The following PRTFDC1 variants were observed in gnomAD, a reference collection of about 807,000 sequenced individuals.
PRTFDC1 encodes the protein phosphoribosyltransferase domain-containing protein 1.
In PRTFDC1, 38 loss-of-function variants were observed where a neutral mutation model predicts 34.6. That is an observed-to-expected ratio of 1.10 (90% confidence interval 0.85 to 1.44). The LOEUF (loss-of-function observed/expected upper bound fraction) is 1.44, where lower values mean the gene tolerates loss of function less well. Ranked by LOEUF, PRTFDC1 falls within the 40% of genes most tolerant of loss-of-function variation. The probability of loss-of-function intolerance (pLI) is 0.00; values close to 1 mark genes in which losing one functional copy is unlikely to be tolerated. For synonymous variants in PRTFDC1, 93 were observed against 98.1 expected, an observed-to-expected ratio of 0.95 and a Z score of 0.31; for missense variants, 270 against 283.0, an observed-to-expected ratio of 0.95 and a Z score of 0.33.
intron 3 of PRTFDC1, among the ~76,000 whole-genome samples, chr10:24,924,390 G>C (rs1848839310): frequency 6.6e-6 from 1 of 152,156 alleles, no homozygotes; most frequent in Non-Finnish European, 1.5e-5. Context: ...AAAATGTTAA[G>C]GGCAGCCAGA....
chr10:24,878,221 C>T (rs1238123941), intron 3 of PRTFDC1, among the ~76,000 whole-genome samples: 2 of 151,494 alleles, frequency 1.3e-5, no homozygotes, highest in African/African-American at 4.9e-5. Context: ...TGTGGTGAGC[C>T]AAGATTGCAC....
intron 4 of PRTFDC1, 110 bp from the exon 5 acceptor site, chr10:24,858,519 T>G: frequency 9.2e-7 from 1 of 1,091,906 alleles, no homozygotes; most frequent in Non-Finnish European, 1.4e-6. Context: ...TAGACGGTCC[T>G]TCCCCATCCA....
chr10:24,899,896 T>C (rs1050327001), intron 3 of PRTFDC1, among the ~76,000 whole-genome samples: 1 of 152,164 alleles, frequency 6.6e-6, no homozygotes, highest in Non-Finnish European at 1.5e-5. Flanking sequence ...ATTTTACAGA[T>C]ATGGGTATCT....
Position 24,937,382 on chromosome 10 carries a change from A to G in PRTFDC1, c.156-15T>C, listed in dbSNP as rs762663209. 6.2e-7 allele frequency: 1 copy of G among 1,601,004 alleles called. No homozygotes were observed. Among genetic ancestry groups the G allele is most frequent in the East Asian group, 2.2e-5 (1 of 44,730 alleles). On this transcript the variant is annotated splice_polypyrimidine_tract_variant and intron_variant, in intron 2 of 8. Coordinates refer to ENST00000320152, the MANE Select transcript of PRTFDC1 (RefSeq NM_020200.7). ...GCCGCTCAATTCTGAAAGAAGGATAAAAGATATATTAAGGCACAACTACTT... is the reference window on the plus strand; with the variant it reads ...GCCGCTCAATTCTGAAAGAAGGATAGAAGATATATTAAGGCACAACTACTT...
At chr10:24,936,812 T>C (rs991128168) in intron 3 of PRTFDC1, among the ~76,000 whole-genome samples, 2 of 152,120 alleles carry the variant, frequency 1.3e-5, no homozygotes, top group African/African-American at 2.4e-5. Context: ...CACCCTCCCA[T>C]AGGTCCCCAG....
chr10:24,918,711 G>T (rs1016199936), intron 3 of PRTFDC1, among the ~76,000 whole-genome samples: 1 of 152,098 alleles, frequency 6.6e-6, no homozygotes, highest in African/African-American at 2.4e-5. Context: ...CACTATGCCT[G>T]GTCCAATCTG....
intron 4 of PRTFDC1, among the ~76,000 whole-genome samples, chr10:24,863,851 G>A (rs930925371): frequency 6.6e-6 from 1 of 151,858 alleles, no homozygotes; most frequent in Non-Finnish European, 1.5e-5. Flanking sequence ...TGAGGTGGGC[G>A]GATTGCTTGA....
chr10:24,929,054 AAGAAAG>A (rs1424292622), intron 3 of PRTFDC1, among the ~76,000 whole-genome samples: 5 of 93,494 alleles, frequency 5.3e-5, no homozygotes, highest in Non-Finnish European at 1.2e-4. Flanking sequence ...AAAAAAAAAA[AAGAAAG>A]AAAGAAAGAA....
intron 3 of PRTFDC1, among the ~76,000 whole-genome samples, chr10:24,931,232 A>G (rs1230195108): frequency 1.3e-5 from 2 of 152,192 alleles, no homozygotes; most frequent in African/African-American, 4.8e-5. Context: ...AGGCAGCTAA[A>G]GAAGTACTTA....
chr10:24,891,439 T>C (rs1848259492), intron 3 of PRTFDC1, among the ~76,000 whole-genome samples: 1 of 152,170 alleles, frequency 6.6e-6, no homozygotes, highest in South Asian at 2.1e-4. Flanking sequence ...CTGTGACTTC[T>C]GCTTCTTGCC....
chr10:24,866,814 AGAAGAGAGAGAAAG>A (rs1423202624), intron 4 of PRTFDC1, among the ~76,000 whole-genome samples: 2 of 150,136 alleles, frequency 1.3e-5, no homozygotes, highest in East Asian at 2.0e-4. Context: ...GAGAGAGAAA[AGAAGAGAGAGAAAG>A]GAAGAGAGAG....
intron 2 of PRTFDC1, among the ~76,000 whole-genome samples, chr10:24,940,413 G>T (rs1279361817): frequency 2.0e-5 from 3 of 152,136 alleles, no homozygotes; most frequent in Non-Finnish European, 4.4e-5. Context: ...ATTGGCAAAA[G>T]ACTTGAAAAG....
intron 7 of PRTFDC1, among the ~76,000 whole-genome samples, chr10:24,852,518 C>T (rs1847508058): frequency 6.6e-6 from 1 of 152,162 alleles, no homozygotes; most frequent in African/African-American, 2.4e-5. Flanking sequence ...CAGCCTCTAC[C>T]TCCACAGGCT....
At chr10:24,929,080 G>C (rs968174755) in intron 3 of PRTFDC1, among the ~76,000 whole-genome samples, 2 of 146,742 alleles carry the variant, frequency 1.4e-5, no homozygotes, top group African/African-American at 5.1e-5. Context: ...AAGAAAGGGA[G>C]GCTTTCAATT....
chr10:24,915,675 T>C (rs1848683508), intron 3 of PRTFDC1, among the ~76,000 whole-genome samples: 1 of 152,208 alleles, frequency 6.6e-6, no homozygotes, highest in Admixed American at 6.5e-5. Flanking sequence ...GTCTTCTTAC[T>C]TGTTCTATTA....
At chr10:24,854,982 G>A (rs1158533020) in intron 7 of PRTFDC1, among the ~76,000 whole-genome samples, 1 of 152,166 alleles carries the variant, frequency 6.6e-6, no homozygotes, top group Non-Finnish European at 1.5e-5. Context: ...TCAGTCCAGC[G>A]GGATCAGGTC....
chr10:24,936,012 C>T (rs1326190), intron 3 of PRTFDC1, among the ~76,000 whole-genome samples: 1 of 152,158 alleles, frequency 6.6e-6, no homozygotes, highest in Non-Finnish European at 1.5e-5. Context: ...GATTTCTGAC[C>T]TACAGAAACT....
intron 1 of PRTFDC1, among the ~76,000 whole-genome samples, chr10:24,950,149 CT>C (rs1439703128): frequency 6.6e-6 from 1 of 152,134 alleles, no homozygotes; most frequent in African/African-American, 2.4e-5. Flanking sequence ...TGTTCTCTCA[CT>C]TGTTTTTTAG....
At chr10:24,937,431 GA>G (rs1178109679) in intron 2 of PRTFDC1, 64 bp from the exon 3 acceptor site, 1 of 1,410,644 alleles carries the variant, frequency 7.1e-7, no homozygotes, top group African/African-American at 1.4e-5. Flanking sequence ...TTGCTTTAAT[GA>G]AATGCAAGAT....
Sources: gnomAD v4.1 joint callset for allele counts (sites outside exome capture counted in the v4.1 genomes callset) on GRCh38, gnomAD v4.1.1 for gene constraint, MANE v1.5 for transcripts, NCBI Gene and HGNC (gene_info 2026-07-23, HGNC 2026-07-21) for gene names.